Variants in MEMO1 observed in about 807,000 individuals in gnomAD.
MEMO1 encodes the protein mediator of cell motility 1.
Under a neutral mutation model 45.2 loss-of-function variants are expected in MEMO1, and 6 were observed. That is an observed-to-expected ratio of 0.13 (90% CI 0.07 to 0.26). The LOEUF (loss-of-function observed/expected upper bound fraction) is 0.26, where lower values mean the gene tolerates loss of function less well. Among genes scored for constraint, MEMO1 ranks in the 10% least tolerant of loss-of-function variants. The pLI, the probability that MEMO1 is intolerant of heterozygous loss-of-function variation, is 1.00. For synonymous variants in MEMO1, 78 were observed against 124.3 expected (o/e 0.63, Z 2.48); for missense variants, 184 against 370.5 (o/e 0.50, Z 4.13).
At chr2:31,907,076 T>C (rs1056916337) in intron 6 of MEMO1, among the ~76,000 whole-genome samples, 5 of 152,174 alleles carry the variant, frequency 3.3e-5, no homozygotes, top group African/African-American at 1.2e-4. Flanking sequence ...TACTAAATAC[T>C]TTGTGTGTAC....
intron 2 of MEMO1, among the ~76,000 whole-genome samples, chr2:31,957,912 T>C (rs1342961140): frequency 6.6e-6 from 1 of 152,216 alleles, no homozygotes; most frequent in African/African-American, 2.4e-5. Context: ...TGTTTCCTTC[T>C]TTCACTAAGC....
chr2:31,888,560 T>G (rs1020622843), intron 7 of MEMO1, among the ~76,000 whole-genome samples: 2 of 152,098 alleles, frequency 1.3e-5, no homozygotes, highest in African/African-American at 2.4e-5. Flanking sequence ...GGAGCCATCC[T>G]ATAGGATATA....
intron 5 of MEMO1, among the ~76,000 whole-genome samples, chr2:31,919,983 C>T (rs997595262): frequency 2.8e-4 from 41 of 148,402 alleles, no homozygotes; most frequent in Non-Finnish European, 5.1e-4. Flanking sequence ...TGTGTACATG[C>T]GTGTGTGTGA....
chr2:31,971,116 A>G (rs888991350), intron 2 of MEMO1, among the ~76,000 whole-genome samples: 4 of 152,166 alleles, frequency 2.6e-5, no homozygotes, highest in Non-Finnish European at 2.9e-5. Context: ...AGATGTTTTA[A>G]TTTACTCATT....
intron 6 of MEMO1, among the ~76,000 whole-genome samples, chr2:31,916,566 G>A (rs949340653): frequency 2.0e-5 from 3 of 152,090 alleles, no homozygotes; most frequent in African/African-American, 4.8e-5. Flanking sequence ...ATTTTCTCAT[G>A]ACAAAATATG....
At chr2:31,928,592 C>A (rs1488796301) in intron 4 of MEMO1, among the ~76,000 whole-genome samples, 1 of 151,160 alleles carries the variant, frequency 6.6e-6, no homozygotes, top group African/African-American at 2.4e-5. Context: ...TCTTATTAGA[C>A]CCTGACCAGT....
intron 2 of MEMO1, among the ~76,000 whole-genome samples, chr2:31,966,593 T>C (rs1434385536): frequency 2.0e-5 from 3 of 152,020 alleles, no homozygotes; most frequent in Non-Finnish European, 4.4e-5. Flanking sequence ...TAGCCAGGCA[T>C]GGTGGCACGA....
intron 2 of MEMO1, among the ~76,000 whole-genome samples, chr2:32,007,804 C>G (rs1254071057): frequency 3.3e-5 from 5 of 152,168 alleles, no homozygotes; most frequent in Non-Finnish European, 7.4e-5. Flanking sequence ...ATATTAAAGA[C>G]AGGTGTTACT....
intron 2 of MEMO1, among the ~76,000 whole-genome samples, chr2:32,002,324 T>C (rs1673500741): frequency 6.9e-6 from 1 of 145,106 alleles, no homozygotes; most frequent in African/African-American, 2.5e-5. Context: ...TACACATATA[T>C]ACATATATAC....
At chr2:32,002,990 T>C (rs1673598201) in intron 2 of MEMO1, among the ~76,000 whole-genome samples, 1 of 152,184 alleles carries the variant, frequency 6.6e-6, no homozygotes, top group Non-Finnish European at 1.5e-5. Flanking sequence ...CAGAAAACAG[T>C]ATTTAGTAAC....
chr2:31,868,440 T>C lies in MEMO1; in HGVS notation c.815A>G (p.Asn272Ser). Reference protein sequence around the residue: ...NGMNMSFSFLNYAQSSQCRNW... With the variant: ...NGMNMSFSFLSYAQSSQCRNW... ...TCTACACTGGCTCGACTGGGCATAATTCAAAAACGAAAAACTCATATTCAT... is the reference window on the plus strand; with the variant it reads ...TCTACACTGGCTCGACTGGGCATAACTCAAAAACGAAAAACTCATATTCAT... Residue 272 changes from asparagine to serine, a missense_variant, in exon 10 of 10, where the codon AAT becomes AGT. Asn to Ser is a conservative substitution (Grantham distance 46). Transcript: ENST00000404530. The C allele has an allele frequency of 1.2e-6, 2 of 1,604,216 alleles. No individual in the cohort carries two copies. Among genetic ancestry groups the C allele is most frequent in the Non-Finnish European group, 1.7e-6 (2 of 1,175,776 alleles).
At chr2:31,958,569 T>C (rs1469065034) in intron 2 of MEMO1, among the ~76,000 whole-genome samples, 1 of 152,064 alleles carries the variant, frequency 6.6e-6, no homozygotes, top group Non-Finnish European at 1.5e-5. Flanking sequence ...AATCAGCAAA[T>C]GAACTAATAA....
intron 2 of MEMO1, among the ~76,000 whole-genome samples, chr2:31,999,239 T>C (rs565499165): frequency 1.3e-5 from 2 of 152,316 alleles, no homozygotes; most frequent in Non-Finnish European, 2.9e-5. Flanking sequence ...GGTTCTGCCC[T>C]TGCCACTGCT....
At chr2:31,930,636 A>G (rs967602030) in intron 4 of MEMO1, among the ~76,000 whole-genome samples, 5 of 151,856 alleles carry the variant, frequency 3.3e-5, no homozygotes, top group African/African-American at 1.2e-4. Flanking sequence ...AAATGAAAGA[A>G]GCTTATAAAA....
chr2:31,950,325 G>A (rs560009134), intron 2 of MEMO1, among the ~76,000 whole-genome samples: 7 of 151,216 alleles, frequency 4.6e-5, no homozygotes, highest in South Asian at 4.2e-4. Flanking sequence ...AGGTTGCAGT[G>A]AGCAGAGATC....
At chr2:31,995,617 G>C (rs1375053415) in intron 2 of MEMO1, among the ~76,000 whole-genome samples, 1 of 151,934 alleles carries the variant, frequency 6.6e-6, no homozygotes, top group African/African-American at 2.4e-5. Context: ...CAGAAAAAAA[G>C]GGGGGGAACA....
At chr2:32,004,343 A>C (rs555285997) in intron 2 of MEMO1, among the ~76,000 whole-genome samples, 240 of 152,288 alleles carry the variant, frequency 1.6e-3, no homozygotes, top group Non-Finnish European at 2.5e-3. Context: ...AGTAGAAAAA[A>C]AGGGCAAAAG....
intron 6 of MEMO1, among the ~76,000 whole-genome samples, chr2:31,914,959 T>TA (rs1184801060): frequency 7.9e-6 from 1 of 126,592 alleles, no homozygotes; most frequent in Non-Finnish European, 1.7e-5. Flanking sequence ...CCTGTCTCTT[T>TA]TTAAAAAAAA....
intron 8 of MEMO1, among the ~76,000 whole-genome samples, chr2:31,881,727 G>A (rs1049397617): frequency 1.3e-5 from 2 of 152,084 alleles, no homozygotes; most frequent in African/African-American, 2.4e-5. Context: ...CTTAATATGT[G>A]CCAAGTGCGG....
Sources: allele counts gnomAD v4.1 joint callset (sites outside exome capture counted in the v4.1 genomes callset), GRCh38; gene constraint gnomAD v4.1.1; transcripts MANE v1.5; gene names NCBI Gene and HGNC (gene_info 2026-07-23, HGNC 2026-07-21).